COPB1: variants seen among roughly 807,000 people sequenced by gnomAD.
The protein encoded by COPB1 is coat protein complex I subunit beta 1.
In COPB1, 21 loss-of-function variants were observed where a neutral mutation model predicts 108.7. The observed-to-expected ratio is 0.19, with a 90% CI of 0.14 to 0.28. The LOEUF is 0.28. COPB1 is among the 10% of genes least tolerant of loss of function. COPB1 has a pLI of 1.00. For missense variants in COPB1, 919 were observed against 1,141.3 expected, an observed-to-expected ratio of 0.81 and a Z score of 2.81; for synonymous variants, 378 against 386.8, an observed-to-expected ratio of 0.98 and a Z score of 0.27.
chr11:14,479,806 T>G (rs1187083940), intron 10 of COPB1, 92 bp from the exon 11 acceptor site: 4 of 1,272,022 alleles, frequency 3.1e-6, no homozygotes, highest in Non-Finnish European at 4.3e-6. Context: ...AATGTAATTC[T>G]TTTTTTGTTT....
intron 14 of COPB1, among the ~76,000 whole-genome samples, chr11:14,470,357 T>G (rs1850373093): frequency 6.6e-6 from 1 of 152,218 alleles, no homozygotes; most frequent in South Asian, 2.1e-4. Flanking sequence ...GGCTGTCCAA[T>G]TATTGTGCTG....
intron 20 of COPB1, among the ~76,000 whole-genome samples, chr11:14,459,113 TG>T (rs1850088697): frequency 6.6e-6 from 1 of 152,200 alleles, no homozygotes; most frequent in Non-Finnish European, 1.5e-5. Context: ...TACAGGGTGG[TG>T]GTTACATAAT....
Position 14,488,562 on chromosome 11 carries a change from C to G in COPB1, c.629G>C (p.Ser210Thr), listed in dbSNP as rs1850825608. ...ADQDRALDYLSTCIDQVQTFG... is the reference protein window; with the variant it reads ...ADQDRALDYLTTCIDQVQTFG... ...TGTTTGAACTTGATCAATGCAAGTA[C>G]TTAAGTAATCCAAAGCTCGATCCTA... is the stretch of plus-strand genomic sequence containing the variant. The change falls in exon 6 of 22, where the codon AGT becomes ACT. Residue 210 changes from serine (S) to threonine (T), a missense_variant. Transcript: ENST00000439561. The G allele has an allele frequency of 6.2e-7, 1 of 1,605,332 alleles. No homozygotes were observed.
At position 14,458,525 on chromosome 11, in the gene COPB1, C is replaced by G. The variant is rs772438069; in HGVS notation, c.2802+7G>C. On this transcript the variant is annotated splice_region_variant and intron_variant, in intron 21 of 21. Transcript: ENST00000439561. ...AGAGATACTCTCAAAAAAAAAGGAA[C>G]TGTTACCTGGCTCTTTGCACGAATT... 4 of 1,601,202 alleles carry G rather than the reference C, an allele frequency of 2.5e-6. No individual in the cohort carries two copies.
At chr11:14,482,030 G>A (rs983220353) in intron 8 of COPB1, among the ~76,000 whole-genome samples, 1 of 152,084 alleles carries the variant, frequency 6.6e-6, no homozygotes, top group African/African-American at 2.4e-5. Flanking sequence ...GACCTCAGGT[G>A]ATCCACCTGC....
At chr11:14,487,558 C>A (rs1407814522) in intron 6 of COPB1, among the ~76,000 whole-genome samples, 16 of 151,910 alleles carry the variant, frequency 1.1e-4, no homozygotes, top group Admixed American at 1.0e-3. Context: ...ACCTGTAATC[C>A]CAGCTACTCA....
At chr11:14,485,416 C>G (rs1218963954) in intron 7 of COPB1, among the ~76,000 whole-genome samples, 2 of 152,192 alleles carry the variant, frequency 1.3e-5, no homozygotes, top group Non-Finnish European at 2.9e-5. Context: ...ATCCTCCCAG[C>G]TTGGCCTCCC....
intron 7 of COPB1, 63 bp from the exon 8 acceptor site, chr11:14,483,214 C>T: frequency 1.8e-6 from 2 of 1,098,084 alleles, no homozygotes; most frequent in South Asian, 1.6e-5. Context: ...TGAAAATAAG[C>T]ATGCGCGCGC....
intron 1 of COPB1, 95 bp downstream of exon 1, chr11:14,499,612 G>A (rs1184393529): frequency 1.4e-5 from 1 of 69,740 alleles, no homozygotes; most frequent in African/African-American, 5.8e-5. Flanking sequence ...CCCCCACCCG[G>A]TCCCTTCTGC....
chr11:14,478,701 C>T (rs1447009713), intron 11 of COPB1, among the ~76,000 whole-genome samples: 1 of 151,918 alleles, frequency 6.6e-6, no homozygotes, highest in African/African-American at 2.4e-5. Flanking sequence ...ATTCTCCTGC[C>T]TTGGCCTCCC....
intron 13 of COPB1, among the ~76,000 whole-genome samples, 195 bp from the exon 14 acceptor site, chr11:14,474,810 C>A (rs1259266889): frequency 6.6e-6 from 1 of 152,092 alleles, no homozygotes; most frequent in Non-Finnish European, 1.5e-5. Context: ...TAAAACTTAT[C>A]TTTGGCCAGG....
chr11:14,494,112 A>G (rs1054860089), intron 3 of COPB1, 98 bp downstream of exon 3: 13 of 834,046 alleles, frequency 1.6e-5, no homozygotes, highest in Middle Eastern at 6.2e-4. Flanking sequence ...CTTACATCTT[A>G]TCAAAGACTC....
chr11:14,495,358 G>A (rs1490092460), intron 2 of COPB1, among the ~76,000 whole-genome samples: 1 of 152,150 alleles, frequency 6.6e-6, no homozygotes, highest in African/African-American at 2.4e-5. Flanking sequence ...GGGCCATTAT[G>A]AGGAAAAGAA....
At chr11:14,492,618 C>T (rs1181440853) in intron 4 of COPB1, among the ~76,000 whole-genome samples, 1 of 151,956 alleles carries the variant, frequency 6.6e-6, no homozygotes, top group Non-Finnish European at 1.5e-5. Context: ...GCTGGGATTA[C>T]AGGCATGAGC....
chr11:14,494,115 A>T lies in COPB1; in HGVS notation c.321+95T>A, dbSNP rs1039078368. 5.8e-6 allele frequency: 5 copies of T among 857,094 alleles called. No individual in the cohort carries two copies. The African/African-American group carries it at 8.5e-5, about 15-fold the overall frequency. The allele number at this position is 857,094 out of a possible 1,614,324, so 53.1% of individuals were successfully genotyped here. ...AAATCTCTACAACTTACATCTTATC[A>T]AAGACTCAATTTTAACAATTAAAAC... is the stretch of plus-strand genomic sequence containing the variant. On this transcript the variant is annotated intron_variant, in intron 3 of 21. Coordinates refer to ENST00000439561, the MANE Select transcript of COPB1 (RefSeq NM_001144061.2).
Position 14,488,479 on chromosome 11 carries a change from T to C in COPB1, c.699+13A>G. 1 of 1,563,776 alleles carries C rather than the reference T, an allele frequency of 6.4e-7. No homozygotes were observed. Among genetic ancestry groups the C allele is most frequent in the Non-Finnish European group, 8.8e-7 (1 of 1,141,498 alleles). ...CTGAGTTTATTTTACTCATCATAGA[T>C]TATCATTCTTACCTTATAAATCAGT... On this transcript the variant is annotated intron_variant, in intron 6 of 21. Coordinates refer to ENST00000439561, the MANE Select transcript of COPB1 (RefSeq NM_001144061.2).
At chr11:14,475,649 C>T in intron 13 of COPB1, 136 bp downstream of exon 13, 3 of 786,592 alleles carry the variant, frequency 3.8e-6, no homozygotes, top group Non-Finnish European at 5.4e-6. Context: ...ACATCCTCCG[C>T]TTCTCAAGTA....
At chr11:14,499,032 ACCCAC>A in intron 1 of COPB1, 47 bp from the exon 2 acceptor site, 2 of 931,900 alleles carry the variant, frequency 2.1e-6, no homozygotes, top group Non-Finnish European at 1.6e-6. Context: ...AAAAAAAAAA[ACCCAC>A]AAACAAGTAC....
intron 21 of COPB1, among the ~76,000 whole-genome samples, 157 bp downstream of exon 21, chr11:14,458,375 T>C (rs1850072912): frequency 6.6e-6 from 1 of 152,212 alleles, no homozygotes; most frequent in African/African-American, 2.4e-5. Context: ...TGAGAAATTT[T>C]AATGAGAAAA....
Sources: allele counts gnomAD v4.1 joint callset (sites outside exome capture counted in the v4.1 genomes callset), GRCh38; gene constraint gnomAD v4.1.1; transcripts MANE v1.5; gene names NCBI Gene and HGNC (gene_info 2026-07-23, HGNC 2026-07-21).